ASPSCR1: variants seen among roughly 807,000 people sequenced by gnomAD.
ASPSCR1 encodes the protein tether containing UBX domain for GLUT4.
A neutral mutation model predicts 68.9 loss-of-function variants in ASPSCR1; 55 were observed. That is an observed-to-expected ratio of 0.80 (90% CI 0.64 to 1.00). The LOEUF is 1.00. Among genes scored for constraint, ASPSCR1 ranks in the 50% least tolerant of loss-of-function variants. The pLI is 0.00. For synonymous variants in ASPSCR1, 352 were observed against 332.6 expected (o/e 1.06, Z -0.63); for missense variants, 765 against 762.2 (o/e 1.00, Z -0.04).
At chr17:81,992,413 C>T (rs896730328) in intron 4 of ASPSCR1, among the ~76,000 whole-genome samples, 1 of 152,234 alleles carries the variant, frequency 6.6e-6, no homozygotes, top group East Asian at 1.9e-4. Flanking sequence ...ACATCAAAGC[C>T]GGGCTGGCGT....
chr17:82,015,341 C>T (rs376254775), intron 12 of ASPSCR1: 23 of 1,597,804 alleles, frequency 1.4e-5, no homozygotes, highest in Middle Eastern at 1.6e-4. Flanking sequence ...GGCACAAGCA[C>T]GTGGGGACAG....
chr17:81,996,090 A>G, intron 6 of ASPSCR1, 25 bp downstream of exon 6: 1 of 1,577,598 alleles, frequency 6.3e-7, no homozygotes, highest in Non-Finnish European at 8.6e-7. Flanking sequence ...GCTGGGGCCG[A>G]GGAGTCTATT....
At position 81,987,976 on chromosome 17, in the gene ASPSCR1, G is replaced by T. The variant is rs1598395255; in HGVS notation, c.374+2369G>T. 6.6e-6 allele frequency among the ~76,000 whole-genome samples: 1 copy of T among 151,806 alleles called. No homozygotes were observed. Among genetic ancestry groups the T allele is most frequent in the African/African-American group, 2.4e-5 (1 of 41,296 alleles). Reference sequence around the variant, plus strand: ...AGTTCGAGACCAGCCTGGCCAATATGGTGAAACTCCATCTCTACTAAAAAT... The same window carrying T: ...AGTTCGAGACCAGCCTGGCCAATATTGTGAAACTCCATCTCTACTAAAAAT... On this transcript the variant is annotated intron_variant, in intron 4 of 15. Transcript: ENST00000306739. This position sits in a 1 kb window ranked among gnomAD's most constrained non-coding sequence, Gnocchi z 5.6.
Position 81,983,617 on chromosome 17 carries a change from C to T in ASPSCR1, c.222C>T (p.Ala74=). 1 of 1,613,540 alleles carries T rather than the reference C, an allele frequency of 6.2e-7. No individual in the cohort carries two copies. The highest frequency in any genetic ancestry group is 8.5e-7 in the Non-Finnish European group (1 of 1,179,932). ...GATTTGCCAACCTGCCCAACAATGC[C>T]AAGCTGGAGATGGTGCCCGCTTCCC... ...QWRFANLPNN[A]KLEMVPASRS... The change falls in exon 3 of 16, where the codon GCC becomes GCT. Residue 74 remains alanine, a synonymous_variant. Coordinates refer to ENST00000306739, the MANE Select transcript of ASPSCR1 (RefSeq NM_024083.4). This position sits in a 1 kb window ranked among gnomAD's most constrained non-coding sequence, Gnocchi z 4.4.
chr17:82,003,122 A>G (rs922201692), intron 7 of ASPSCR1, among the ~76,000 whole-genome samples: 2 of 152,150 alleles, frequency 1.3e-5, no homozygotes, highest in Non-Finnish European at 2.9e-5. Flanking sequence ...AGCTGGCATT[A>G]CAGGCGTGAG....
Position 82,017,001 on chromosome 17 carries a change from G to T in ASPSCR1, c.1536G>T (p.Lys512Asn). 6.2e-7 allele frequency: 1 copy of T among 1,612,628 alleles called. No homozygotes were observed. Among genetic ancestry groups the T allele is most frequent in the Non-Finnish European group, 8.5e-7 (1 of 1,179,910 alleles). The change falls in exon 15 of 16, where the codon AAG becomes AAT. Residue 512 changes from lysine to asparagine, a missense_variant. Physicochemically the swap from Lys to Asn is moderately conservative, Grantham distance 94. Coordinates refer to ENST00000306739, the MANE Select transcript of ASPSCR1 (RefSeq NM_024083.4). ...TGCCAGCCCCTGACCCTGCACCTAA[G>T]TCTGAGCCAGCTGCTGAGGAGGGGG... ...SPLPAPDPAP[K>N]SEPAAEEGAL...
chr17:81,989,427 C>G (rs1315448952), intron 4 of ASPSCR1, among the ~76,000 whole-genome samples: 1 of 152,206 alleles, frequency 6.6e-6, no homozygotes, highest in Non-Finnish European at 1.5e-5. Context: ...TGTCCCTGCA[C>G]TGGCCCAGGA....
At chr17:81,991,371 G>A (rs2042156529) in intron 4 of ASPSCR1, among the ~76,000 whole-genome samples, 4 of 152,202 alleles carry the variant, frequency 2.6e-5, no homozygotes, top group African/African-American at 7.2e-5. Flanking sequence ...TCCTTCTGTA[G>A]GTAAAGCCGT....
intron 5 of ASPSCR1, among the ~76,000 whole-genome samples, chr17:81,995,743 G>C (rs2042314040): frequency 6.6e-6 from 1 of 152,234 alleles, no homozygotes; most frequent in South Asian, 2.1e-4. Flanking sequence ...TTGGGTCCCA[G>C]CTGCGGAGAC....
rs1248976118 is a variant in ASPSCR1, at chr17:81,979,131, G to T, written c.103-53G>T. On this transcript the variant is annotated intron_variant, in intron 1 of 15. Transcript: ENST00000306739. ...GCCCTTGGCTGACCTGGCCCACTGC[G>T]CCCGCCAGCCCTGCACACTCAGCAG... The T allele has an allele frequency of 5.6e-6, 9 of 1,596,250 alleles. No individual in the cohort carries two copies. In the South Asian group the frequency reaches 8.8e-5, roughly 16 times the overall value.
chr17:81,988,322 G>A (rs551036280), intron 4 of ASPSCR1, among the ~76,000 whole-genome samples: 1 of 152,040 alleles, frequency 6.6e-6, no homozygotes, highest in East Asian at 1.9e-4. Context: ...TTAGCTGGGC[G>A]CAATGGCTCA....
chr17:81,990,017 A>T lies in ASPSCR1; in HGVS notation c.374+4410A>T, dbSNP rs1017086597. Among the ~76,000 whole-genome samples the T allele has an allele frequency of 1.3e-5, 2 of 152,142 alleles. No individual in the cohort carries two copies. Among genetic ancestry groups the T allele is most frequent in the African/African-American group, 2.4e-5 (1 of 41,434 alleles). Reference sequence around the variant, plus strand: ...TGTTGGCCAGGCTGGTCAGGTGATCAGCCCGCCTCGGCCTCCCAAAGTGCT... The same window carrying T: ...TGTTGGCCAGGCTGGTCAGGTGATCTGCCCGCCTCGGCCTCCCAAAGTGCT... On this transcript the variant is annotated intron_variant, in intron 4 of 15. Coordinates refer to ENST00000306739, the MANE Select transcript of ASPSCR1 (RefSeq NM_024083.4). This position sits in a 1 kb window ranked among gnomAD's most constrained non-coding sequence, Gnocchi z 4.1.
chr17:81,984,072 G>A (rs2041883893), intron 3 of ASPSCR1, among the ~76,000 whole-genome samples: 1 of 151,998 alleles, frequency 6.6e-6, no homozygotes, highest in South Asian at 2.1e-4. Context: ...CTGCTGGTCT[G>A]GAACTGCTGA....
In ASPSCR1 at chr17:81,990,159, G is replaced by A. The variant is rs922501567; in HGVS notation, c.374+4552G>A. 6.6e-6 allele frequency among the ~76,000 whole-genome samples: 1 copy of A among 152,232 alleles called. No homozygotes were observed. The highest frequency in any genetic ancestry group is 2.1e-4 in the South Asian group (1 of 4,834). On this transcript the variant is annotated intron_variant, in intron 4 of 15. Transcript: ENST00000306739. This position sits in a 1 kb window ranked among gnomAD's most constrained non-coding sequence, Gnocchi z 4.1. Reference sequence around the variant, plus strand: ...TTTAGTAATACGTGTAGTTAACTCAGTATACCCAAAATACGACTTCCTGGA... The same window carrying A: ...TTTAGTAATACGTGTAGTTAACTCAATATACCCAAAATACGACTTCCTGGA...
Position 82,003,744 on chromosome 17 carries a change from G to A in ASPSCR1, c.934-5293G>A, listed in dbSNP as rs116029752. 1.0e-2 allele frequency among the ~76,000 whole-genome samples: 1,522 copies of A among 152,352 alleles called. 22 individuals carry two copies. Among genetic ancestry groups the A allele is most frequent in the African/African-American group, 0.034 (1,431 of 41,574 alleles). On this transcript the variant is annotated intron_variant, in intron 7 of 15. Transcript: ENST00000306739. ...CATGCCTGTCCACGCCGGTCGCAGC[G>A]GTCTCCCCACAGAGCCCGCGCCCAC...
In ASPSCR1 at chr17:82,016,889, G is replaced by A; in HGVS notation, c.1475+20G>A. 5 of 1,612,466 alleles carry A rather than the reference G, an allele frequency of 3.1e-6. No homozygotes were observed. The highest frequency in any genetic ancestry group is 1.7e-4 in the Middle Eastern group (1 of 6,026). On this transcript the variant is annotated intron_variant, in intron 14 of 15. Transcript: ENST00000306739. ...GGCCAGGTAAGTGCCGGTGGGTCTG[G>A]GGGCACCTCCCGTGGCGGCACTCAC...
Position 81,996,571 on chromosome 17 carries a change from AC to A in ASPSCR1, c.660del (p.Ser221GlnfsTer42). 6.2e-7 allele frequency: 1 copy of A among 1,611,386 alleles called. No homozygotes were observed. Among genetic ancestry groups the A allele is most frequent in the Non-Finnish European group, 8.5e-7 (1 of 1,178,408 alleles). ...GDLSRPEDAD[T>X]SGPCCEHTQE... ...CTTGAGCCGTCCGGAGGACGCGGAC[AC>A]CTCAGGGCCCTGCTGCGAGCACACT... is the stretch of plus-strand genomic sequence containing the variant. On this transcript the variant is annotated frameshift_variant, in exon 7 of 16. Coordinates refer to ENST00000306739, the MANE Select transcript of ASPSCR1 (RefSeq NM_024083.4). LOFTEE classifies it high-confidence loss of function.
rs200591341 is a variant in ASPSCR1, at chr17:82,011,500, C to T, written c.1238-43C>T. ...AGGTGCTGGGGCAGCCCGGGGCTGG[C>T]GTGGTGGAAGAGCTGTCTGTATGTT... is the stretch of plus-strand genomic sequence containing the variant. On this transcript the variant is annotated intron_variant, in intron 10 of 15. Transcript: ENST00000306739. 5.2e-5 allele frequency: 81 copies of T among 1,553,150 alleles called. No individual in the cohort carries two copies. In the Middle Eastern group the frequency reaches 1.0e-3, roughly 20 times the overall value.
chr17:81,993,306 T>C (rs1026749359), intron 4 of ASPSCR1, among the ~76,000 whole-genome samples: 2 of 151,986 alleles, frequency 1.3e-5, no homozygotes, highest in Admixed American at 6.6e-5. Context: ...CTCCACCTCC[T>C]GGGTTCACGC....
Sources: gnomAD v4.1 joint callset for allele counts (sites outside exome capture counted in the v4.1 genomes callset) on GRCh38, gnomAD v4.1.1 for gene constraint, Gnocchi (gnomAD v3.1) non-coding constraint, MANE v1.5 for transcripts, NCBI Gene and HGNC (gene_info 2026-07-23, HGNC 2026-07-21) for gene names.